MINDY4: variants seen among roughly 807,000 people sequenced by gnomAD.
The protein encoded by MINDY4 is probable ubiquitin carboxyl-terminal hydrolase MINDY-4.
MINDY4 carries 68 observed loss-of-function variants against 87.0 expected under a neutral mutation model. The ratio of observed to expected loss-of-function variants is 0.78; its 90% CI spans 0.64 to 0.96. MINDY4 has a LOEUF of 0.96. Among genes scored for constraint, MINDY4 ranks in the 40% least tolerant of loss-of-function variants. The pLI, the probability that MINDY4 is intolerant of heterozygous loss-of-function variation, is 0.00. For synonymous variants in MINDY4, 379 were observed against 363.2 expected (o/e 1.04, Z -0.50); for missense variants, 919 against 928.2 (o/e 0.99, Z 0.13).
At chr7:30,818,136 A>T (rs1788213960) in intron 5 of MINDY4, among the ~76,000 whole-genome samples, 1 of 151,424 alleles carries the variant, frequency 6.6e-6, no homozygotes, top group East Asian at 2.0e-4. Flanking sequence ...ATTTTTAAAG[A>T]AACATATATG....
chr7:30,856,924 C>G (rs771622124), intron 12 of MINDY4, among the ~76,000 whole-genome samples: 4 of 152,142 alleles, frequency 2.6e-5, no homozygotes, highest in Non-Finnish European at 4.4e-5. Flanking sequence ...GACATTGTCT[C>G]AAGAATGTGC....
In MINDY4 at chr7:30,840,695, G is replaced by A. The variant is rs544826405; in HGVS notation, c.1357-65G>A. On this transcript the variant is annotated intron_variant, in intron 8 of 17. Coordinates refer to ENST00000265299, the MANE Select transcript of MINDY4 (RefSeq NM_032222.3). The stretch of plus-strand genomic sequence containing the variant: ...ATCAGGTGGGTTCTGGGGTGGGTTT[G>A]GGTGAAACCAAAAACTCTGCCCCAG... The A allele has an allele frequency of 5.4e-6, 8 of 1,494,224 alleles. No individual in the cohort carries two copies. In the African/African-American group the frequency reaches 1.1e-4, roughly 21 times the overall value. The allele number at this position is 1,494,224 out of a possible 1,614,324, so 92.6% of individuals were successfully genotyped here. A position where few individuals can be genotyped will look rare whatever the true frequency, so the allele number is the denominator to read the frequency against.
chr7:30,888,332 T>G (rs536026737), intron 17 of MINDY4, among the ~76,000 whole-genome samples: 1 of 152,294 alleles, frequency 6.6e-6, no homozygotes, highest in South Asian at 2.1e-4. Context: ...CATTTTTAGT[T>G]GTCACAGCCC....
At chr7:30,887,494 G>C (rs542473651) in intron 17 of MINDY4, among the ~76,000 whole-genome samples, 2 of 152,398 alleles carry the variant, frequency 1.3e-5, no homozygotes, top group East Asian at 3.9e-4. Context: ...GCGTTGGGGA[G>C]GAGGAGGAAT....
intron 5 of MINDY4, among the ~76,000 whole-genome samples, chr7:30,792,546 A>G (rs931203256): frequency 1.3e-5 from 2 of 152,184 alleles, no homozygotes; most frequent in Non-Finnish European, 2.9e-5. Context: ...AAACTTTTTA[A>G]TTCAAATTTC....
intron 15 of MINDY4, among the ~76,000 whole-genome samples, chr7:30,879,163 T>G (rs1790381562): frequency 6.6e-6 from 1 of 152,220 alleles, no homozygotes; most frequent in Non-Finnish European, 1.5e-5. Flanking sequence ...TCAGAATGTA[T>G]TAATAACTGT....
intron 13 of MINDY4, among the ~76,000 whole-genome samples, chr7:30,868,609 C>G (rs538622336): frequency 1.4e-4 from 22 of 152,350 alleles, no homozygotes; most frequent in Non-Finnish European, 2.5e-4. Flanking sequence ...TCTGTACTCT[C>G]TCTGGGCATT....
At chr7:30,809,034 AAGAG>A (rs1181321156) in intron 5 of MINDY4, among the ~76,000 whole-genome samples, 2 of 151,942 alleles carry the variant, frequency 1.3e-5, no homozygotes, top group East Asian at 3.9e-4. Context: ...GAAAGAAAGA[AAGAG>A]AGAGATATAT....
intron 8 of MINDY4, 71 bp downstream of exon 8, chr7:30,839,387 A>G (rs574838171): frequency 2.2e-6 from 2 of 917,474 alleles, no homozygotes; most frequent in Non-Finnish European, 3.3e-6. Context: ...TGTACCTCCC[A>G]GTTTTGGTTA....
chr7:30,890,978 TCC>T (rs1205124152), intron 17 of MINDY4, among the ~76,000 whole-genome samples: 1 of 152,006 alleles, frequency 6.6e-6, no homozygotes, highest in African/African-American at 2.4e-5. Context: ...GAGAAAAGCT[TCC>T]CCTTTTTCTT....
At chr7:30,816,615 C>A (rs1234752933) in intron 5 of MINDY4, among the ~76,000 whole-genome samples, 1 of 151,808 alleles carries the variant, frequency 6.6e-6, no homozygotes, top group African/African-American at 2.4e-5. Context: ...CCTCCCGCCC[C>A]CCTGCCTCCC....
rs74376606 is a variant in MINDY4, at chr7:30,822,627, T to TTTTATTTA, written c.1074-6032_1074-6025dup. On this transcript the variant is annotated intron_variant, in intron 5 of 17. Transcript: ENST00000265299. ...TTGTCTTGGTTGACGTGCCTGTCTA[T>TTTTATTTA]TTTATTTATTTATTTATTTATTTAT... Among the ~76,000 whole-genome samples, 52 of 145,650 alleles carry TTTTATTTA rather than the reference T, an allele frequency of 3.6e-4. 2 individuals carry two copies. The highest frequency in any genetic ancestry group is 1.2e-3 in the African/African-American group (45 of 37,632).
intron 9 of MINDY4, among the ~76,000 whole-genome samples, chr7:30,848,307 G>A (rs1386236499): frequency 6.6e-6 from 1 of 152,214 alleles, no homozygotes; most frequent in African/African-American, 2.4e-5. Flanking sequence ...GTGATTGGAC[G>A]GTGGGGTGAG....
At chr7:30,876,859 G>A (rs1790275233) in intron 15 of MINDY4, among the ~76,000 whole-genome samples, 1 of 152,124 alleles carries the variant, frequency 6.6e-6, no homozygotes, top group Non-Finnish European at 1.5e-5. Context: ...GCAGGGCCTT[G>A]CAGATAGCGC....
At chr7:30,847,335 G>A (rs1295396179) in intron 9 of MINDY4, among the ~76,000 whole-genome samples, 4 of 152,238 alleles carry the variant, frequency 2.6e-5, no homozygotes, top group Admixed American at 6.5e-5. Context: ...TGGAGACATG[G>A]TGGTTCAAAG....
Position 30,785,269 on chromosome 7 carries a change from G to GACAC in MINDY4, c.420-451_420-448dup, listed in dbSNP as rs3138796. ...TCTCTTACTTCCTCTCTCTCTCTCT[G>GACAC]ACACACACACACACACACACACACA... On this transcript the variant is annotated intron_variant, in intron 3 of 17. Coordinates refer to ENST00000265299, the MANE Select transcript of MINDY4 (RefSeq NM_032222.3). Among the ~76,000 whole-genome samples, 1,093 of 138,580 alleles carry GACAC rather than the reference G, an allele frequency of 7.9e-3. 11 individuals are homozygous for GACAC. The highest frequency in any genetic ancestry group is 0.025 in the African/African-American group (984 of 39,924). 90.9% of individuals were successfully genotyped at this position (138,580 alleles called of 152,430 possible).
intron 5 of MINDY4, among the ~76,000 whole-genome samples, chr7:30,806,003 G>A (rs12701041): frequency 0.44 from 66,788 of 152,000 alleles, 15,263 homozygotes; most frequent in African/African-American, 0.54. Flanking sequence ...TTTCTGTTAC[G>A]CTCAGTAACG....
intron 6 of MINDY4, among the ~76,000 whole-genome samples, chr7:30,830,725 G>T (rs1412851305): frequency 6.6e-6 from 1 of 152,196 alleles, no homozygotes; most frequent in East Asian, 1.9e-4. Context: ...GATGAGATTT[G>T]GGTGGGGACA....
In MINDY4 at chr7:30,787,632, C is replaced by T. The variant is rs375500119; in HGVS notation, c.663+1640C>T. ...TAGCTCCAGACAGCACAGCTGGCAC[C>T]AGTGGATGGAGGTTGGTATGGGAGC... On this transcript the variant is annotated intron_variant, in intron 4 of 17. Coordinates refer to ENST00000265299, the MANE Select transcript of MINDY4 (RefSeq NM_032222.3). 7.2e-5 allele frequency among the ~76,000 whole-genome samples: 11 copies of T among 152,188 alleles called. 1 individual carries two copies. The highest frequency in any genetic ancestry group is 2.7e-4 in the African/African-American group (11 of 41,456).
Sources: allele counts gnomAD v4.1 joint callset (sites outside exome capture counted in the v4.1 genomes callset), GRCh38; gene constraint gnomAD v4.1.1; transcripts MANE v1.5; gene names NCBI Gene and HGNC (gene_info 2026-07-23, HGNC 2026-07-21).